The following GRM7 variants were observed in gnomAD, a reference collection of about 807,000 sequenced individuals.
GRM7 encodes glutamate metabotropic receptor 7, also known as metabotropic glutamate receptor 7.
In GRM7, 35 loss-of-function variants were observed where a neutral mutation model predicts 84.5. The observed-to-expected ratio is 0.41, with a 90% CI of 0.32 to 0.55. The LOEUF is 0.55. Ranked by LOEUF, GRM7 falls within the 20% of genes least tolerant of loss-of-function variation. The probability of loss-of-function intolerance (pLI) is 0.19; values close to 1 mark genes in which losing one functional copy is unlikely to be tolerated. For missense variants in GRM7, 1,003 were observed against 1,194.6 expected, an observed-to-expected ratio of 0.84 and a Z score of 2.36; for synonymous variants, 487 against 455.1, an observed-to-expected ratio of 1.07 and a Z score of -0.89.
intron 7 of GRM7, among the ~76,000 whole-genome samples, chr3:7,480,035 T>A (rs746698309): frequency 1.3e-5 from 2 of 152,210 alleles, no homozygotes; most frequent in Non-Finnish European, 2.9e-5. Context: ...CAGACAAAGA[T>A]GCAGTCATTA....
intron 1 of GRM7, among the ~76,000 whole-genome samples, chr3:6,947,781 G>A (rs147309479): frequency 0.066 from 10,063 of 152,150 alleles, 466 homozygotes; most frequent in African/African-American, 0.12. Flanking sequence ...GTTTAGTCTT[G>A]GGAGAGTGTA....
chr3:7,390,943 T>A (rs1286009811), intron 4 of GRM7, among the ~76,000 whole-genome samples: 1 of 152,178 alleles, frequency 6.6e-6, no homozygotes, highest in African/African-American at 2.4e-5. Flanking sequence ...ATTGCCAGCA[T>A]TCTTGTGTTG....
chr3:7,694,229 G>GGTA (rs1222879944), intron 9 of GRM7: 1 of 152,484 alleles, frequency 6.6e-6, no homozygotes, highest in African/African-American at 2.4e-5. Flanking sequence ...AACCTCATAT[G>GGTA]GTAGTAGTGA....
chr3:7,504,348 T>C (rs544761438), intron 7 of GRM7, among the ~76,000 whole-genome samples: 1 of 152,318 alleles, frequency 6.6e-6, no homozygotes, highest in African/African-American at 2.4e-5. Flanking sequence ...AGTTCTCCAA[T>C]CAGCTGCCTC....
At chr3:7,544,901 A>G (rs1448212569) in intron 7 of GRM7, among the ~76,000 whole-genome samples, 3 of 152,142 alleles carry the variant, frequency 2.0e-5, no homozygotes, top group Non-Finnish European at 4.4e-5. Context: ...AAATTTTCGA[A>G]CCTCTAAAAT....
chr3:7,445,233 A>G (rs1241133273), intron 5 of GRM7, among the ~76,000 whole-genome samples: 1 of 152,212 alleles, frequency 6.6e-6, no homozygotes. Flanking sequence ...ATGGCTCTAA[A>G]CTAATATTGA....
At chr3:7,063,291 C>G (rs1316473730) in intron 1 of GRM7, among the ~76,000 whole-genome samples, 1 of 151,628 alleles carries the variant, frequency 6.6e-6, no homozygotes, top group African/African-American at 2.4e-5. Flanking sequence ...CAGAGATTAT[C>G]TTAATTTTAT....
At chr3:7,438,685 CA>C (rs1697158482) in intron 5 of GRM7, among the ~76,000 whole-genome samples, 1 of 152,032 alleles carries the variant, frequency 6.6e-6, no homozygotes, top group African/African-American at 2.4e-5. Context: ...AACACCAAAC[CA>C]CCCTCCTGCC....
chr3:7,055,989 C>T (rs1697205450), intron 1 of GRM7, among the ~76,000 whole-genome samples: 1 of 151,966 alleles, frequency 6.6e-6, no homozygotes, highest in Admixed American at 6.6e-5. Flanking sequence ...TTCCCTATGA[C>T]TCAGTAGCCA....
At chr3:7,441,533 G>T (rs1395771759) in intron 5 of GRM7, among the ~76,000 whole-genome samples, 1 of 151,876 alleles carries the variant, frequency 6.6e-6, no homozygotes, top group East Asian at 1.9e-4. Flanking sequence ...AGTTGCTTTT[G>T]TTATCTTCAT....
At chr3:7,399,545 G>A (rs1695358492) in intron 4 of GRM7, among the ~76,000 whole-genome samples, 1 of 152,126 alleles carries the variant, frequency 6.6e-6, no homozygotes, top group South Asian at 2.1e-4. Context: ...CTATGGTTTA[G>A]ATATGGTTTG....
At chr3:7,374,808 T>C (rs1195370680) in intron 4 of GRM7, among the ~76,000 whole-genome samples, 1 of 152,042 alleles carries the variant, frequency 6.6e-6, no homozygotes, top group Non-Finnish European at 1.5e-5. Context: ...GCTATTTTAA[T>C]GAGCATGACA....
chr3:7,298,657 G>T (rs140480367), intron 2 of GRM7, 27 bp from the exon 3 acceptor site: 2 of 1,600,156 alleles, frequency 1.2e-6, no homozygotes, highest in African/African-American at 1.3e-5. Context: ...AAACATTATT[G>T]ACACTATGTT....
intron 9 of GRM7, among the ~76,000 whole-genome samples, chr3:7,708,857 A>C (rs1256579381): frequency 1.3e-5 from 2 of 151,912 alleles, no homozygotes; most frequent in Non-Finnish European, 2.9e-5. Context: ...TGTAATTTAT[A>C]CATAAATATA....
intron 4 of GRM7, among the ~76,000 whole-genome samples, chr3:7,313,624 T>G (rs1289389559): frequency 6.6e-6 from 1 of 152,162 alleles, no homozygotes; most frequent in Non-Finnish European, 1.5e-5. Flanking sequence ...TTTTTAAAAA[T>G]AAGGAGTATA....
chr3:7,179,192 A>G (rs1695255714), intron 2 of GRM7, among the ~76,000 whole-genome samples: 1 of 152,220 alleles, frequency 6.6e-6, no homozygotes, highest in Admixed American at 6.5e-5. Flanking sequence ...TTTGATATCT[A>G]AAATCTCTGG....
At chr3:7,666,051 T>G (rs1192563652) in intron 8 of GRM7, among the ~76,000 whole-genome samples, 1 of 152,138 alleles carries the variant, frequency 6.6e-6, no homozygotes, top group Non-Finnish European at 1.5e-5. Context: ...TAACTGAATC[T>G]ATGACCGCAA....
chr3:7,231,735 G>A (rs1697201999), intron 2 of GRM7, among the ~76,000 whole-genome samples: 1 of 152,194 alleles, frequency 6.6e-6, no homozygotes, highest in Admixed American at 6.5e-5. Flanking sequence ...GGAAACCAAG[G>A]CATTTAGTGT....
At chr3:7,529,098 A>G (rs1239536) in intron 7 of GRM7, among the ~76,000 whole-genome samples, 94,029 of 151,804 alleles carry the variant, frequency 0.62, 30,123 homozygotes, top group African/African-American at 0.79. Context: ...AATATTGTCA[A>G]TGGGGTGTTG....
Sources: allele counts gnomAD v4.1 joint callset (sites outside exome capture counted in the v4.1 genomes callset), GRCh38; gene constraint gnomAD v4.1.1; transcripts MANE v1.5; gene names NCBI Gene and HGNC (gene_info 2026-07-23, HGNC 2026-07-21).